Variants in CIT observed in about 807,000 individuals in gnomAD.
The protein encoded by CIT is citron rho-interacting serine/threonine kinase, also known as citron Rho-interacting kinase.
CIT carries 79 observed loss-of-function variants against 272.7 expected under a neutral mutation model. That is an observed-to-expected ratio of 0.29 (90% confidence interval 0.24 to 0.35). The LOEUF is 0.35. Among genes scored for constraint, CIT ranks in the 10% least tolerant of loss-of-function variants. CIT has a pLI of 1.00. For missense variants in CIT, 1,909 were observed against 2,618.3 expected (o/e 0.73, Z 5.91); for synonymous variants, 948 against 995.6 (o/e 0.95, Z 0.90).
intron 13 of CIT, among the ~76,000 whole-genome samples, chr12:119,779,453 C>G (rs570230787): frequency 1.3e-5 from 2 of 152,140 alleles, no homozygotes; most frequent in Admixed American, 6.5e-5. Flanking sequence ...TGTCTTTGAC[C>G]TAAGCCCAAC....
intron 9 of CIT, among the ~76,000 whole-genome samples, chr12:119,814,701 CAAG>C (rs746929949): frequency 2.3e-4 from 35 of 152,146 alleles, no homozygotes; most frequent in Non-Finnish European, 3.8e-4. Flanking sequence ...AAGCCTCAAA[CAAG>C]AAGAACTTTA....
At chr12:119,715,057 C>T (rs1188227334) in intron 32 of CIT, among the ~76,000 whole-genome samples, 1 of 152,092 alleles carries the variant, frequency 6.6e-6, no homozygotes, top group Non-Finnish European at 1.5e-5. Flanking sequence ...CGGGTGGTTT[C>T]CCCCATACTG....
At position 119,697,535 on chromosome 12, in the gene CIT, G is replaced by T. The variant is rs1956296354; in HGVS notation, c.5882+124C>A. On this transcript the variant is annotated intron_variant, in intron 46 of 47. Transcript: ENST00000392521. The surrounding 1 kb of genome is among the most constrained non-coding windows in gnomAD (Gnocchi z 4.9). ...TCAGTGCCGCAGATCGCAAACAAAT[G>T]AATGGTTTGAGCTTAAGAACAAAGT... 1 of 1,030,394 alleles carries T rather than the reference G, an allele frequency of 9.7e-7. No individual in the cohort carries two copies. The highest frequency in any genetic ancestry group is 1.4e-6 in the Non-Finnish European group (1 of 702,940). The allele number at this position is 1,030,394 out of a possible 1,614,324, so 63.8% of individuals were successfully genotyped here.
rs1955576865 is a variant in CIT at position 119,686,271 on chromosome 12, A to T, written c.*1961T>A. On this transcript the variant is annotated 3_prime_UTR_variant, in exon 48 of 48. Coordinates refer to ENST00000392521, the MANE Select transcript of CIT (RefSeq NM_001206999.2). ...CTCAAGAAGCCCATTTCTCATGGAG[A>T]TCCTAAATGAAATGCCAAGACTGAA... 1 of 152,272 alleles carries T rather than the reference A, an allele frequency of 6.6e-6. No individual in the cohort carries two copies. The highest frequency in any genetic ancestry group is 2.1e-4 in the South Asian group (1 of 4,822). 9.4% of individuals were successfully genotyped at this position (152,272 alleles called of 1,614,324 possible). A position where few individuals can be genotyped will look rare whatever the true frequency, so the allele number is the denominator to read the frequency against.
intron 28 of CIT, among the ~76,000 whole-genome samples, chr12:119,722,969 C>T (rs143028485): frequency 1.3e-5 from 2 of 152,190 alleles, no homozygotes; most frequent in Non-Finnish European, 2.9e-5. Context: ...GTGGGAGGAT[C>T]GCTTGAGCCC....
chr12:119,718,865 G>A lies in CIT; in HGVS notation c.3841-4C>T, dbSNP rs1212612189. 1.2e-6 allele frequency: 2 copies of A among 1,613,876 alleles called. No individual in the cohort carries two copies. The highest frequency in any genetic ancestry group is 1.7e-6 in the Non-Finnish European group (2 of 1,179,882). On this transcript the variant is annotated splice_polypyrimidine_tract_variant and splice_region_variant and intron_variant, in intron 30 of 47. Coordinates refer to ENST00000392521, the MANE Select transcript of CIT (RefSeq NM_001206999.2). The surrounding 1 kb of genome is among the most constrained non-coding windows in gnomAD (Gnocchi z 4.8). ...CTTTCCGTCGACTAAATAAACCCTAGCAATGGAAACAGAGATATCTCCTAA... is the reference window on the plus strand; with the variant it reads ...CTTTCCGTCGACTAAATAAACCCTAACAATGGAAACAGAGATATCTCCTAA...
In CIT at chr12:119,718,307, G is replaced by A. The variant is rs1957642504; in HGVS notation, c.4106C>T (p.Pro1369Leu). The A allele has an allele frequency of 5.6e-6, 9 of 1,614,056 alleles. No individual in the cohort carries two copies. Among genetic ancestry groups the A allele is most frequent in the Non-Finnish European group, 7.6e-6 (9 of 1,179,980 alleles). ...CGGGGCCAGCAGGCTCATGGCACTGGGCTGGTGCTCTGGCGACCGCACGAT... is the reference window on the plus strand; with the variant it reads ...CGGGGCCAGCAGGCTCATGGCACTGAGCTGGTGCTCTGGCGACCGCACGAT... ...SAIVRSPEHQ[P>L]SAMSLLAPPS... The change falls in exon 32 of 48, where the codon CCC becomes CTC. Residue 1369 changes from proline (P) to leucine (L), a missense_variant. By Grantham distance (98) the Pro-to-Leu change is moderately conservative. Transcript: ENST00000392521. This position sits in a 1 kb window ranked among gnomAD's most constrained non-coding sequence, Gnocchi z 4.8.
In CIT at chr12:119,784,155, T is replaced by C. The variant is rs1302729553; in HGVS notation, c.1402-104A>G. 4.3e-6 allele frequency: 7 copies of C among 1,611,406 alleles called. No individual in the cohort carries two copies. In the African/African-American group the frequency reaches 9.3e-5, roughly 22 times the overall value. ...ACCACCTGGTGGTCTGGGCTAAGGC[T>C]AATTCGCCAAAAGTTAAGTTGGGAT... is the stretch of plus-strand genomic sequence containing the variant. On this transcript the variant is annotated intron_variant, in intron 11 of 47. Transcript: ENST00000392521. This position sits in a 1 kb window ranked among gnomAD's most constrained non-coding sequence, Gnocchi z 4.7.
At chr12:119,702,220 T>C (rs185281011) in intron 41 of CIT, among the ~76,000 whole-genome samples, 33 of 151,986 alleles carry the variant, frequency 2.2e-4, no homozygotes, top group African/African-American at 8.0e-4. Flanking sequence ...TCCTCCCACC[T>C]CAGCCTCCCA....
chr12:119,840,489 A>AAAAAC (rs778568681), intron 5 of CIT, among the ~76,000 whole-genome samples: 1 of 152,350 alleles, frequency 6.6e-6, no homozygotes, highest in South Asian at 2.1e-4. Flanking sequence ...CAGAATAAAA[A>AAAAAC]AAAACAACTA....
chr12:119,714,113 A>T (rs1376521488), intron 33 of CIT, 84 bp downstream of exon 33: 1 of 1,515,430 alleles, frequency 6.6e-7, no homozygotes, highest in Non-Finnish European at 9.0e-7. Flanking sequence ...ATGATGAGTT[A>T]GAAAAAAATC....
Position 119,844,135 on chromosome 12 carries a change from C to T in CIT, c.516+6039G>A, listed in dbSNP as rs150550347. Among the ~76,000 whole-genome samples the T allele has an allele frequency of 3.3e-3, 506 of 151,680 alleles. 3 individuals are homozygous for T. The highest frequency in any genetic ancestry group is 0.011 in the African/African-American group (468 of 41,336). On this transcript the variant is annotated intron_variant, in intron 5 of 47. Transcript: ENST00000392521. ...CTCCTGGGTTCAAGTGATTCTCCTG[C>T]CTCAGCCTAAGGAGTAGCTGGGATT...
Position 119,766,272 on chromosome 12 carries a change from A to G in CIT, c.2304+815T>C, listed in dbSNP as rs535208066. On this transcript the variant is annotated intron_variant, in intron 19 of 47. Coordinates refer to ENST00000392521, the MANE Select transcript of CIT (RefSeq NM_001206999.2). Reference sequence around the variant, plus strand: ...AAAAAAGAAAGAAAATGTGGTACAGATACAACAATGGAGTACTATTCAACC... The same window carrying G: ...AAAAAAGAAAGAAAATGTGGTACAGGTACAACAATGGAGTACTATTCAACC... Among the ~76,000 whole-genome samples the G allele has an allele frequency of 3.9e-5, 6 of 152,326 alleles. No individual in the cohort carries two copies. In the South Asian group the frequency reaches 1.2e-3, roughly 32 times the overall value.
At chr12:119,791,826 A>G (rs2137780551) in intron 10 of CIT, among the ~76,000 whole-genome samples, 1 of 152,360 alleles carries the variant, frequency 6.6e-6, no homozygotes, top group South Asian at 2.1e-4. Context: ...CCCAAAGAGT[A>G]TTAATAGGGA....
At chr12:119,711,601 A>G (rs1957161603) in intron 37 of CIT, among the ~76,000 whole-genome samples, 1 of 152,198 alleles carries the variant, frequency 6.6e-6, no homozygotes, top group South Asian at 2.1e-4. Flanking sequence ...CTGCATCACC[A>G]CAACCAAGGT....
rs1957090125 is a variant in CIT at position 119,710,104 on chromosome 12, C to T, written c.5071+147G>A. The T allele has an allele frequency of 8.2e-6, 7 of 857,894 alleles. No homozygotes were observed. The East Asian group carries it at 1.7e-4, about 21-fold the overall frequency. 53.1% of individuals were successfully genotyped at this position (857,894 alleles called of 1,614,324 possible). On this transcript the variant is annotated intron_variant, in intron 39 of 47. Coordinates refer to ENST00000392521, the MANE Select transcript of CIT (RefSeq NM_001206999.2). This position sits in a 1 kb window ranked among gnomAD's most constrained non-coding sequence, Gnocchi z 5.6. ...AATCTGGACAGAGGGGGTCCATTAG[C>T]TGAGGCTTGGGCATCTATGGGGACA...
At chr12:119,861,456 G>A (rs967685165) in intron 3 of CIT, among the ~76,000 whole-genome samples, 5 of 151,744 alleles carry the variant, frequency 3.3e-5, no homozygotes, top group African/African-American at 7.3e-5. Flanking sequence ...GTGTCGTGGC[G>A]CATGCCTGCA....
chr12:119,818,390 A>T (rs1236080377), intron 9 of CIT, among the ~76,000 whole-genome samples: 1 of 152,222 alleles, frequency 6.6e-6, no homozygotes, highest in Non-Finnish European at 1.5e-5. Flanking sequence ...GAAGCTAAGT[A>T]GGCACAGAAT....
chr12:119,765,553 C>T (rs988755252), intron 19 of CIT, among the ~76,000 whole-genome samples: 1 of 149,570 alleles, frequency 6.7e-6, no homozygotes, highest in Non-Finnish European at 1.5e-5. Context: ...TCACTGCAAC[C>T]TCCGCCTCCC....
Sources: allele counts gnomAD v4.1 joint callset (sites outside exome capture counted in the v4.1 genomes callset), GRCh38; gene constraint gnomAD v4.1.1; non-coding constraint Gnocchi (gnomAD v3.1); transcripts MANE v1.5; gene names NCBI Gene and HGNC (gene_info 2026-07-23, HGNC 2026-07-21).